Variants in ARLN observed in about 807,000 individuals in gnomAD.
ARLN encodes the protein sarcoplasmic/endoplasmic reticulum calcium ATPase regulator ARLN.
At chr4:119,299,578 T>A in the ARLN span, among the ~76,000 whole-genome samples, 1 of 152,194 alleles carries the variant, frequency 6.6e-6, no homozygotes, top group African/African-American at 2.4e-5. Flanking sequence ...CCTGCCCTAT[T>A]CTCTTAAGTT....
the ARLN span, among the ~76,000 whole-genome samples, chr4:119,301,716 G>C: frequency 6.6e-5 from 10 of 152,122 alleles, no homozygotes; most frequent in African/African-American, 2.4e-4. Context: ...CTTTGAAGGG[G>C]CAGTACTCCA....
chr4:119,304,168 A>T, the ARLN span: 1 of 1,059,408 alleles, frequency 9.4e-7, no homozygotes, highest in Non-Finnish European at 1.4e-6. Context: ...TCAGGGCCCC[A>T]CTTAAGTGCC....
the ARLN span, among the ~76,000 whole-genome samples, chr4:119,303,231 C>CTT: frequency 4.6e-4 from 51 of 111,342 alleles, no homozygotes; most frequent in African/African-American, 1.6e-3. Context: ...CTCTTCAATT[C>CTT]TTTTTTTTTT....
At chr4:119,302,339 GGTT>G in the ARLN span, among the ~76,000 whole-genome samples, 1 of 152,046 alleles carries the variant, frequency 6.6e-6, no homozygotes, top group Non-Finnish European at 1.5e-5. Flanking sequence ...AATAAGGAGG[GGTT>G]ATTTAAACTA....
the ARLN span, among the ~76,000 whole-genome samples, chr4:119,301,419 T>A: frequency 1.3e-5 from 2 of 151,708 alleles, no homozygotes; most frequent in Non-Finnish European, 2.9e-5. Context: ...AGAGCGAGAC[T>A]CCATCTGGGG....
chr4:119,298,841 T>C, the ARLN span: 5 of 747,394 alleles, frequency 6.7e-6, no homozygotes, highest in Non-Finnish European at 2.5e-6. Flanking sequence ...TAACACTTTA[T>C]GCCTATTTAC....
chr4:119,297,023 T>C, the ARLN span: 1 of 152,212 alleles, frequency 6.6e-6, no homozygotes, highest in Non-Finnish European at 1.5e-5. Flanking sequence ...CACCACCAGG[T>C]AATTTGTTAG....
the ARLN span, chr4:119,298,630 T>C: frequency 3.8e-6 from 2 of 531,108 alleles, no homozygotes; most frequent in Non-Finnish European, 6.9e-6. Context: ...TTCTGCAAAT[T>C]AGTAACAAAG....
At chr4:119,298,612 TAATA>T in the ARLN span, 1 of 514,118 alleles carries the variant, frequency 1.9e-6, no homozygotes. Context: ...CCTACCCAAT[TAATA>T]GAGTTCTGCA....
the ARLN span, chr4:119,298,699 C>G: frequency 4.0e-6 from 3 of 744,746 alleles, no homozygotes; most frequent in East Asian, 7.4e-5. Context: ...AGAGTCCTGT[C>G]TTCTTTATTC....
chr4:119,300,787 T>G, the ARLN span: 1 of 1,451,242 alleles, frequency 6.9e-7, no homozygotes, highest in Non-Finnish European at 9.0e-7. Flanking sequence ...CCCGCCTACT[T>G]CTGCCTCGCG....
At chr4:119,301,463 ATTTGAC>A in the ARLN span, among the ~76,000 whole-genome samples, 1 of 152,064 alleles carries the variant, frequency 6.6e-6, no homozygotes, top group African/African-American at 2.4e-5. Context: ...CCCAAAGGTT[ATTTGAC>A]TTTGAGTGTG....
the ARLN span, among the ~76,000 whole-genome samples, chr4:119,303,597 C>A: frequency 1.3e-5 from 2 of 152,124 alleles, no homozygotes; most frequent in Non-Finnish European, 2.9e-5. Flanking sequence ...AAGAGTTGTA[C>A]TATCTGCTGG....
At chr4:119,301,431 G>A in the ARLN span, among the ~76,000 whole-genome samples, 1 of 151,768 alleles carries the variant, frequency 6.6e-6, no homozygotes, top group African/African-American at 2.4e-5. Context: ...CATCTGGGGG[G>A]AAATGGGGGT....
the ARLN span, among the ~76,000 whole-genome samples, chr4:119,303,975 C>A: frequency 6.6e-6 from 1 of 152,114 alleles, no homozygotes; most frequent in South Asian, 2.1e-4. Context: ...ACCTTTATAC[C>A]CACTATTAAT....
At chr4:119,299,295 C>T in the ARLN span, among the ~76,000 whole-genome samples, 1 of 152,178 alleles carries the variant, frequency 6.6e-6, no homozygotes, top group Non-Finnish European at 1.5e-5. Flanking sequence ...AGAAATGAGA[C>T]AGTGAGGCTT....
chr4:119,296,814 A>G, the ARLN span: 3 of 152,194 alleles, frequency 2.0e-5, no homozygotes, highest in Admixed American at 2.0e-4. Context: ...GGCATCTCCT[A>G]GCATAATCAA....
chr4:119,300,825 A>C, the ARLN span: 25 of 1,436,290 alleles, frequency 1.7e-5, no homozygotes, highest in Non-Finnish European at 2.2e-5. Context: ...CTGGTTATTC[A>C]GGTTTCGTTG....
the ARLN span, chr4:119,298,484 G>C: frequency 3.4e-6 from 1 of 297,596 alleles, no homozygotes; most frequent in Non-Finnish European, 6.2e-6. Flanking sequence ...GAATACACAA[G>C]ACCTTTAAGT....
Sources: allele counts gnomAD v4.1 joint callset (sites outside exome capture counted in the v4.1 genomes callset), GRCh38; gene constraint gnomAD v4.1.1; transcripts MANE v1.5; gene names NCBI Gene and HGNC (gene_info 2026-07-23, HGNC 2026-07-21).